The following CCDC68 variants were observed in gnomAD, a reference collection of about 807,000 sequenced individuals.
CCDC68 encodes coiled-coil domain containing 68, also known as coiled-coil domain-containing protein 68.
A neutral mutation model predicts 47.1 loss-of-function variants in CCDC68; 45 were observed. The observed-to-expected ratio is 0.96, with a 90% CI of 0.75 to 1.23. The LOEUF is 1.23. CCDC68 is among the 50% of genes most tolerant of loss of function. The probability of loss-of-function intolerance (pLI) is 0.00; values close to 1 mark genes in which losing one functional copy is unlikely to be tolerated. For missense variants in CCDC68, 353 were observed against 373.6 expected (o/e 0.94, Z 0.45); for synonymous variants, 131 against 129.5 (o/e 1.01, Z -0.08).
intron 10 of CCDC68, among the ~76,000 whole-genome samples, chr18:54,908,796 C>T (rs918004225): frequency 6.6e-6 from 1 of 152,112 alleles, no homozygotes; most frequent in South Asian, 2.1e-4. Flanking sequence ...ACTTCAACCT[C>T]CACCTCCAAG....
chr18:54,952,219 T>C (rs910242077), intron 1 of CCDC68, among the ~76,000 whole-genome samples: 2 of 152,100 alleles, frequency 1.3e-5, no homozygotes, highest in African/African-American at 4.8e-5. Context: ...CACTTGCCAG[T>C]CAATAAAATA....
intron 1 of CCDC68, among the ~76,000 whole-genome samples, chr18:54,957,705 C>G (rs968967194): frequency 6.6e-6 from 1 of 151,314 alleles, no homozygotes; most frequent in African/African-American, 2.4e-5. Context: ...TAGTAAATGA[C>G]ATTCATTTAA....
intron 11 of CCDC68, 105 bp from the exon 12 acceptor site, chr18:54,904,520 G>A (rs1568128159): frequency 8.4e-6 from 7 of 836,364 alleles, no homozygotes; most frequent in South Asian, 1.6e-5. Context: ...CATCAAATCT[G>A]AACTAACTGC....
At chr18:54,905,372 AAGAAAGG>A (rs1388893127) in intron 11 of CCDC68, among the ~76,000 whole-genome samples, 1 of 6,616 alleles carries the variant, frequency 1.5e-4, no homozygotes, top group African/African-American at 4.8e-4. Context: ...AGGGGAGAGA[AAGAAAGG>A]AGAGGGAAGA....
At position 54,934,913 on chromosome 18, in the gene CCDC68, T is replaced by C. The variant is rs1428521970; in HGVS notation, c.507A>G (p.Gln169=). 8 of 1,595,924 alleles carry C rather than the reference T, an allele frequency of 5.0e-6. No homozygotes were observed. Among genetic ancestry groups the C allele is most frequent in the Non-Finnish European group, 6.8e-6 (8 of 1,172,904 alleles). The change falls in exon 7 of 12, where the codon CAA becomes CAG. Residue 169 remains glutamine, a synonymous_variant. Transcript: ENST00000591504. ...NKLEKEQKLK[Q]HVENLNQVAE... ...CAACTTGATTCAGATTTTCAACATG[T>C]TGTTTCAATTTCTGTTCTTTTTCAA... is the stretch of plus-strand genomic sequence containing the variant.
Position 54,938,056 on chromosome 18 carries a change from A to G in CCDC68, c.246T>C (p.Asp82=), listed in dbSNP as rs2044378033. The G allele has an allele frequency of 6.2e-7, 1 of 1,613,856 alleles. No individual in the cohort carries two copies. Among genetic ancestry groups the G allele is most frequent in the Non-Finnish European group, 8.5e-7 (1 of 1,179,844 alleles). The change falls in exon 5 of 12, where the codon GAT becomes GAC. Residue 82 remains aspartate (D), a synonymous_variant. Coordinates refer to ENST00000591504, the MANE Select transcript of CCDC68 (RefSeq NM_025214.3). ...NLQQGSDSEM[D]PSCCSLDLLM... is the part of the protein sequence containing the mutation. ...GCAAATCCAAACTGCAACAAGAAGG[A>G]TCCATTTCAGAATCAGAGCCCTGTT...
chr18:54,940,879 T>C, intron 4 of CCDC68, 118 bp downstream of exon 4: 1 of 670,950 alleles, frequency 1.5e-6, no homozygotes. Context: ...CGTCTTTAGA[T>C]ATGCATGAAA....
At chr18:54,923,421 C>T (rs2044094428) in intron 8 of CCDC68, among the ~76,000 whole-genome samples, 1 of 150,880 alleles carries the variant, frequency 6.6e-6, no homozygotes, top group Non-Finnish European at 1.5e-5. Flanking sequence ...GAAGGTATTA[C>T]CATAGCGTTC....
intron 8 of CCDC68, among the ~76,000 whole-genome samples, chr18:54,928,226 G>A (rs1362090175): frequency 1.3e-5 from 2 of 152,138 alleles, no homozygotes; most frequent in Admixed American, 6.5e-5. Context: ...GTAGCACAGC[G>A]ATTATGGTGA....
Position 54,922,785 on chromosome 18 carries a change from C to T in CCDC68, c.684-3409G>A, listed in dbSNP as rs187500762. On this transcript the variant is annotated intron_variant, in intron 8 of 11. Coordinates refer to ENST00000591504, the MANE Select transcript of CCDC68 (RefSeq NM_025214.3). ...AGTGGATCACTTGAGGTCAGGAGTT[C>T]GAGATCAGCCTGGCCAACATGGTGA... Among the ~76,000 whole-genome samples, 83 of 151,752 alleles carry T rather than the reference C, an allele frequency of 5.5e-4. 1 individual carries two copies. The highest frequency in any genetic ancestry group is 1.7e-3 in the African/African-American group (71 of 41,428).
At chr18:54,926,823 T>C in intron 8 of CCDC68, among the ~76,000 whole-genome samples, 1 of 152,132 alleles carries the variant, frequency 6.6e-6, no homozygotes, top group South Asian at 2.1e-4. Flanking sequence ...TTCTGAGAGA[T>C]TGAGCAATCT....
At chr18:54,929,829 G>A (rs1209124179) in intron 7 of CCDC68, among the ~76,000 whole-genome samples, 4 of 152,154 alleles carry the variant, frequency 2.6e-5, no homozygotes, top group East Asian at 1.9e-4. Context: ...AATTTTGGCC[G>A]AGGTTTTAAA....
At chr18:54,951,626 TAAGCCTC>T (rs1034440706) in intron 1 of CCDC68, among the ~76,000 whole-genome samples, 6 of 152,234 alleles carry the variant, frequency 3.9e-5, no homozygotes, top group Non-Finnish European at 8.8e-5. Context: ...AAGGAGTTTC[TAAGCCTC>T]AACTTCTTGG....
rs750167725 is a variant in CCDC68, at chr18:54,919,337, C to G, written c.723G>C (p.Glu241Asp). ...DLQREISILQ[E>D]QISHLQFVIH... ...TCACAAACTGCAGATGAGAGATCTGCTCCTGGAGAATGGAAATCTCCCTCT... is the reference window on the plus strand; with the variant it reads ...TCACAAACTGCAGATGAGAGATCTGGTCCTGGAGAATGGAAATCTCCCTCT... Residue 241 changes from glutamate (E) to aspartate (D), a missense_variant, in exon 9 of 12, where the codon GAG becomes GAC. By Grantham distance (45) the Glu-to-Asp change is conservative (BLOSUM62 2). Coordinates refer to ENST00000591504, the MANE Select transcript of CCDC68 (RefSeq NM_025214.3). The G allele has an allele frequency of 1.9e-6, 3 of 1,613,948 alleles. No homozygotes were observed. Among genetic ancestry groups the G allele is most frequent in the Admixed American group, 1.7e-5 (1 of 59,996 alleles).
At chr18:54,928,586 C>A (rs986331299) in intron 8 of CCDC68, among the ~76,000 whole-genome samples, 2 of 152,066 alleles carry the variant, frequency 1.3e-5, no homozygotes, top group South Asian at 4.1e-4. Context: ...TGAACTCTGC[C>A]CCCGGCTCCC....
intron 9 of CCDC68, 124 bp downstream of exon 9, chr18:54,919,147 A>C: frequency 1.4e-6 from 1 of 719,090 alleles, no homozygotes; most frequent in Non-Finnish European, 2.4e-6. Flanking sequence ...CATGAGAAAC[A>C]AAAAAGGATA....
At chr18:54,944,118 T>C (rs922122595) in intron 2 of CCDC68, among the ~76,000 whole-genome samples, 4 of 152,250 alleles carry the variant, frequency 2.6e-5, no homozygotes, top group Admixed American at 2.0e-4. Flanking sequence ...TTAAATAATA[T>C]ATATTCTACC....
intron 8 of CCDC68, among the ~76,000 whole-genome samples, chr18:54,922,146 A>C (rs953772413): frequency 6.6e-6 from 1 of 152,182 alleles, no homozygotes; most frequent in Non-Finnish European, 1.5e-5. Context: ...CTGCATCAGC[A>C]CACCAGCCTG....
In CCDC68 at chr18:54,937,967, A is replaced by C. The variant is rs1052034231; in HGVS notation, c.335T>G (p.Leu112Trp). 3.7e-6 allele frequency: 6 copies of C among 1,610,018 alleles called. No homozygotes were observed. Among genetic ancestry groups the C allele is most frequent in the Non-Finnish European group, 5.1e-6 (6 of 1,178,714 alleles). Residue 112 changes from leucine (L) to tryptophan (W), a missense_variant, in exon 5 of 12, where the codon TTG becomes TGG. Coordinates refer to ENST00000591504, the MANE Select transcript of CCDC68 (RefSeq NM_025214.3). ...TTCTAAAAGTCATACCTTGATTTTCAATACTTCATTCTCTTTGTTCATTTC... is the reference window on the plus strand; with the variant it reads ...TTCTAAAAGTCATACCTTGATTTTCCATACTTCATTCTCTTTGTTCATTTC... ...LLEMNKENEV[L>W]KIKLQASREA...
Sources: allele counts gnomAD v4.1 joint callset (sites outside exome capture counted in the v4.1 genomes callset), GRCh38; gene constraint gnomAD v4.1.1; transcripts MANE v1.5; gene names NCBI Gene and HGNC (gene_info 2026-07-23, HGNC 2026-07-21).